Variants in PTPRN2 observed in about 807,000 individuals in gnomAD.
PTPRN2 encodes protein tyrosine phosphatase receptor type N2, also known as receptor-type tyrosine-protein phosphatase N2.
A neutral mutation model predicts 118.8 loss-of-function variants in PTPRN2; 74 were observed. That is an observed-to-expected ratio of 0.62 (90% CI 0.52 to 0.76). The LOEUF is 0.76. Among genes scored for constraint, PTPRN2 ranks in the 30% least tolerant of loss-of-function variants. PTPRN2 has a pLI of 0.00. For missense variants in PTPRN2, 1,481 were observed against 1,394.4 expected (o/e 1.06, Z -0.99); for synonymous variants, 641 against 608.0 (o/e 1.05, Z -0.80).
At chr7:158,145,458 A>T (rs1043174991) in intron 6 of PTPRN2, among the ~76,000 whole-genome samples, 1 of 152,246 alleles carries the variant, frequency 6.6e-6, no homozygotes, top group Admixed American at 6.5e-5. Context: ...TTGTATCGAC[A>T]GAGAGCAGCT....
At chr7:157,552,552 C>A (rs923847912) in intron 21 of PTPRN2, among the ~76,000 whole-genome samples, 1 of 152,160 alleles carries the variant, frequency 6.6e-6, no homozygotes, top group African/African-American at 2.4e-5. Context: ...CTCACACCCA[C>A]GTTTAGAGCA....
At chr7:158,333,596 A>C (rs1287827171) in intron 2 of PTPRN2, among the ~76,000 whole-genome samples, 1 of 151,390 alleles carries the variant, frequency 6.6e-6, no homozygotes, top group Non-Finnish European at 1.5e-5. Context: ...CGTCACACAC[A>C]CCCACACTCT....
chr7:157,887,497 TCGTCAGTACCCACTC>T (rs1171086522), intron 12 of PTPRN2, among the ~76,000 whole-genome samples: 4 of 12,632 alleles, frequency 3.2e-4, no homozygotes, highest in Admixed American at 1.1e-3. Context: ...CAGTACCCAC[TCGTCAGTACCCACTC>T]CCCCCAGTAC....
At chr7:158,067,167 A>G (rs1021649728) in intron 11 of PTPRN2, among the ~76,000 whole-genome samples, 3 of 152,236 alleles carry the variant, frequency 2.0e-5, no homozygotes, top group African/African-American at 7.2e-5. Flanking sequence ...GGAAGGGTTG[A>G]GATGCAATTC....
intron 1 of PTPRN2, among the ~76,000 whole-genome samples, chr7:158,518,920 G>A (rs1208252799): frequency 1.3e-5 from 2 of 152,162 alleles, no homozygotes; most frequent in Non-Finnish European, 2.9e-5. Context: ...GGGAGGTGGA[G>A]GTTGCAGTGA....
At chr7:157,675,419 G>T (rs1554520277) in intron 13 of PTPRN2, among the ~76,000 whole-genome samples, 1 of 152,184 alleles carries the variant, frequency 6.6e-6, no homozygotes, top group Non-Finnish European at 1.5e-5. Flanking sequence ...CCCGGGTGTT[G>T]GCTCACCCGG....
At chr7:158,554,965 G>A (rs933460811) in intron 1 of PTPRN2, among the ~76,000 whole-genome samples, 2 of 152,086 alleles carry the variant, frequency 1.3e-5, no homozygotes, top group Non-Finnish European at 2.9e-5. Flanking sequence ...CCCACGACCC[G>A]GGGACACGTT....
intron 3 of PTPRN2, among the ~76,000 whole-genome samples, chr7:158,221,628 A>T (rs1271316621): frequency 1.3e-5 from 2 of 152,158 alleles, no homozygotes; most frequent in African/African-American, 4.8e-5. Flanking sequence ...GGCAAAAGAG[A>T]GAATGAATGC....
rs965185879 is a variant in PTPRN2 at position 157,670,642 on chromosome 7, T to C, written c.2001+12083A>G. 1.4e-4 allele frequency among the ~76,000 whole-genome samples: 21 copies of C among 152,156 alleles called. 1 individual carries two copies. Among genetic ancestry groups the C allele is most frequent in the African/African-American group, 5.1e-4 (21 of 41,434 alleles). ...GCCCCTCCAGCCAGACTGCCGTTGGTGAGACAAATCCCTCCCTTCCCGGCT... is the reference window on the plus strand; with the variant it reads ...GCCCCTCCAGCCAGACTGCCGTTGGCGAGACAAATCCCTCCCTTCCCGGCT... On this transcript the variant is annotated intron_variant, in intron 13 of 22. Coordinates refer to ENST00000389418, the MANE Select transcript of PTPRN2 (RefSeq NM_002847.5).
chr7:157,688,906 C>T (rs553231272), intron 12 of PTPRN2, among the ~76,000 whole-genome samples: 143 of 152,316 alleles, frequency 9.4e-4, no homozygotes, highest in Admixed American at 1.8e-3. Flanking sequence ...GCCCCAGCGC[C>T]GGACACAAAG....
intron 2 of PTPRN2, among the ~76,000 whole-genome samples, chr7:158,340,737 T>A (rs1243541795): frequency 5.5e-5 from 4 of 73,140 alleles, no homozygotes; most frequent in African/African-American, 1.6e-4. Flanking sequence ...CCATAAGAGG[T>A]GACACATGCA....
chr7:158,232,023 C>T (rs2150825711), intron 3 of PTPRN2, among the ~76,000 whole-genome samples: 1 of 152,188 alleles, frequency 6.6e-6, no homozygotes, highest in Middle Eastern at 3.4e-3. Flanking sequence ...AGAAAGACTT[C>T]AAATAAACAA....
chr7:158,160,849 T>C (rs1222165472), intron 6 of PTPRN2, among the ~76,000 whole-genome samples: 2 of 152,252 alleles, frequency 1.3e-5, no homozygotes, highest in South Asian at 2.1e-4. Flanking sequence ...AAAATACGAA[T>C]GTTATTATTG....
chr7:157,776,881 C>T (rs1038118813), intron 12 of PTPRN2, among the ~76,000 whole-genome samples: 1 of 130,066 alleles, frequency 7.7e-6, no homozygotes, highest in Non-Finnish European at 1.6e-5. Flanking sequence ...TCCTCCCTCT[C>T]CTCCTCCATC....
At chr7:157,849,382 C>A (rs930154323) in intron 12 of PTPRN2, among the ~76,000 whole-genome samples, 5 of 152,126 alleles carry the variant, frequency 3.3e-5, no homozygotes, top group Admixed American at 3.3e-4. Context: ...TGTGGGTGTG[C>A]GTCCTCTCAG....
At chr7:157,556,873 C>T (rs976692722) in intron 21 of PTPRN2, among the ~76,000 whole-genome samples, 2 of 151,156 alleles carry the variant, frequency 1.3e-5, no homozygotes, top group Non-Finnish European at 2.9e-5. Flanking sequence ...ACATACATAT[C>T]CATGCTCACA....
chr7:158,443,645 C>T (rs1266323090), intron 2 of PTPRN2, among the ~76,000 whole-genome samples: 1 of 152,128 alleles, frequency 6.6e-6, no homozygotes, highest in Non-Finnish European at 1.5e-5. Flanking sequence ...GCAAATCTTC[C>T]TGCCAAGCGT....
intron 14 of PTPRN2, among the ~76,000 whole-genome samples, chr7:157,650,497 G>C (rs1162938911): frequency 6.6e-6 from 1 of 152,228 alleles, no homozygotes; most frequent in Non-Finnish European, 1.5e-5. Context: ...TGGAGAGTTC[G>C]CCCTGCGGCC....
chr7:158,583,943 G>T (rs1232759589), intron 1 of PTPRN2, among the ~76,000 whole-genome samples: 1 of 152,188 alleles, frequency 6.6e-6, no homozygotes, highest in East Asian at 1.9e-4. Context: ...AGGATCCTTT[G>T]ATTTAAAAAT....
Sources: gnomAD v4.1 joint callset for allele counts (sites outside exome capture counted in the v4.1 genomes callset) on GRCh38, gnomAD v4.1.1 for gene constraint, MANE v1.5 for transcripts, NCBI Gene and HGNC (gene_info 2026-07-23, HGNC 2026-07-21) for gene names.